The following CPAMD8 variants were observed in gnomAD, a reference collection of about 807,000 sequenced individuals.
CPAMD8 encodes the protein C3 and PZP like alpha-2-macroglobulin domain containing 8.
In CPAMD8, 146 loss-of-function variants were observed where a neutral mutation model predicts 224.7. The ratio of observed to expected loss-of-function variants is 0.65; its 90% CI spans 0.57 to 0.75. CPAMD8 has a LOEUF of 0.75. CPAMD8 is among the 30% of genes least tolerant of loss of function. CPAMD8 has a pLI of 0.00. For synonymous variants in CPAMD8, 966 were observed against 1,044.6 expected (o/e 0.92, Z 1.45); for missense variants, 2,301 against 2,537.5 (o/e 0.91, Z 2.00).
At chr19:16,912,904 T>C (rs2052783305) in intron 29 of CPAMD8, among the ~76,000 whole-genome samples, 1 of 152,186 alleles carries the variant, frequency 6.6e-6, no homozygotes, top group Non-Finnish European at 1.5e-5. Flanking sequence ...ATCCGACTTC[T>C]CAGTGGAACA....
At chr19:16,904,421 G>C (rs748514624) in intron 31 of CPAMD8, 45 bp downstream of exon 31, 2 of 1,613,970 alleles carry the variant, frequency 1.2e-6, no homozygotes, top group Admixed American at 3.3e-5. Flanking sequence ...CCAGTGCATG[G>C]AGGTATGGCC....
intron 19 of CPAMD8, among the ~76,000 whole-genome samples, chr19:16,955,738 G>A (rs1192063939): frequency 1.3e-5 from 2 of 152,160 alleles, no homozygotes; most frequent in South Asian, 2.1e-4. Flanking sequence ...GTGCAGTGGT[G>A]TAATTTCGTG....
chr19:16,906,931 G>T, intron 30 of CPAMD8, 21 bp downstream of exon 30: 1 of 1,568,476 alleles, frequency 6.4e-7, no homozygotes, highest in South Asian at 1.2e-5. Context: ...GTGGCCTCTG[G>T]GGAGGGCCAG....
chr19:17,011,346 A>G, intron 5 of CPAMD8, 118 bp downstream of exon 5: 1 of 1,183,156 alleles, frequency 8.5e-7, no homozygotes. Flanking sequence ...TGAAACAACC[A>G]TGAAAGAAAA....
rs2052380207 is a variant in CPAMD8 at position 16,904,247 on chromosome 19, A to G, written c.4230T>C (p.Leu1410=). ...VKWLSQQRNA[L]GGFSSTQDTC... is the part of the protein sequence containing the mutation. ...TCGCCTGAGTGGAGGAGAAGCCCCCAAGTGCATTTCGCTGCTGGGACAGCC... is the reference window on the plus strand; with the variant it reads ...TCGCCTGAGTGGAGGAGAAGCCCCCGAGTGCATTTCGCTGCTGGGACAGCC... Residue 1410 remains leucine (L), a synonymous_variant, in exon 32 of 42, where the codon CTT becomes CTC. Transcript: ENST00000443236. The G allele has an allele frequency of 7.5e-7, 1 of 1,331,494 alleles. No individual in the cohort carries two copies. Among genetic ancestry groups the G allele is most frequent in the Non-Finnish European group, 9.9e-7 (1 of 1,013,706 alleles). 82.5% of individuals were successfully genotyped at this position (1,331,494 alleles called of 1,614,324 possible). A position where few individuals can be genotyped will look rare whatever the true frequency, so the allele number is the denominator to read the frequency against.
intron 19 of CPAMD8, among the ~76,000 whole-genome samples, chr19:16,955,961 G>A (rs1160392317): frequency 2.0e-5 from 3 of 152,154 alleles, no homozygotes; most frequent in Non-Finnish European, 2.9e-5. Context: ...ACAGGCATAA[G>A]CCACCACACC....
intron 20 of CPAMD8, among the ~76,000 whole-genome samples, chr19:16,951,463 AT>A (rs2054293900): frequency 6.6e-6 from 1 of 152,196 alleles, no homozygotes; most frequent in African/African-American, 2.4e-5. Flanking sequence ...GAACACAGCC[AT>A]ATCTATTCAG....
Position 16,903,792 on chromosome 19 carries a change from G to T in CPAMD8, c.4317C>A (p.Asn1439Lys). The stretch of plus-strand genomic sequence containing the variant: ...TGGTGGAGGCCAGGGAGACAGTGAG[G>T]TTGATGCCTCCAGCATAGGACAAGA... ...YAILSYAGGINLTVSLASTNL... is the reference protein window; with the variant it reads ...YAILSYAGGIKLTVSLASTNL... The change falls in exon 33 of 42, where the codon AAC becomes AAA. Residue 1439 changes from asparagine (N) to lysine (K), a missense_variant. Asn to Lys is a moderately conservative substitution (Grantham distance 94). Coordinates refer to ENST00000443236, the MANE Select transcript of CPAMD8 (RefSeq NM_015692.5). 2 of 1,614,148 alleles carry T rather than the reference G, an allele frequency of 1.2e-6. No homozygotes were observed. The highest frequency in any genetic ancestry group is 1.7e-6 in the Non-Finnish European group (2 of 1,179,952).
At chr19:16,948,883 G>GAGGGA (rs1568515607) in intron 20 of CPAMD8, among the ~76,000 whole-genome samples, 2 of 46,322 alleles carry the variant, frequency 4.3e-5, no homozygotes, top group Non-Finnish European at 7.4e-5. Flanking sequence ...GAAGGGAAGG[G>GAGGGA]AAGGGAAGGG....
rs1447579545 is a variant in CPAMD8 at position 16,929,127 on chromosome 19, A to G, written c.2959T>C (p.Leu987=). 2 of 1,614,078 alleles carry G rather than the reference A, an allele frequency of 1.2e-6. No homozygotes were observed. The highest frequency in any genetic ancestry group is 3.3e-5 in the Admixed American group (2 of 60,020). The change falls in exon 24 of 42, where the codon TTG becomes CTG. Residue 987 remains leucine (L), a synonymous_variant. Transcript: ENST00000443236. ...VRAHNDARVA[L]SSGPQDTAGM... ...GCTGTGTCCTGGGGCCCAGAAGACA[A>G]GGCCACACGGGCATCATTGTGAGCT...
chr19:16,975,055 A>T (rs62125980), intron 17 of CPAMD8, 42 bp downstream of exon 17: 2 of 1,585,004 alleles, frequency 1.3e-6, no homozygotes, highest in South Asian at 1.1e-5. Context: ...GGCAAGAGGA[A>T]CTTAGAAGGG....
intron 22 of CPAMD8, among the ~76,000 whole-genome samples, chr19:16,942,898 C>G (rs1214609610): frequency 6.6e-6 from 1 of 152,180 alleles, no homozygotes; most frequent in Non-Finnish European, 1.5e-5. Context: ...TAGTACAGAT[C>G]TGTGCTTCAC....
intron 1 of CPAMD8, among the ~76,000 whole-genome samples, chr19:17,023,340 CT>C (rs926044869): frequency 6.6e-6 from 1 of 152,072 alleles, no homozygotes; most frequent in African/African-American, 2.4e-5. Flanking sequence ...TCCTCCCCAC[CT>C]GAGCTCCTGT....
At chr19:16,977,682 G>T in intron 14 of CPAMD8, 142 bp from the exon 15 acceptor site, 1 of 605,278 alleles carries the variant, frequency 1.7e-6, no homozygotes, top group Non-Finnish European at 2.8e-6. Flanking sequence ...GTTTTGAGAT[G>T]CCCTTCCCAG....
intron 13 of CPAMD8, among the ~76,000 whole-genome samples, chr19:16,988,772 T>C (rs985422104): frequency 2.6e-5 from 4 of 152,160 alleles, no homozygotes; most frequent in African/African-American, 9.7e-5. Flanking sequence ...CATGGACCAG[T>C]ACTGATTCAT....
intron 23 of CPAMD8, 126 bp from the exon 24 acceptor site, chr19:16,929,366 G>A: frequency 1.4e-6 from 1 of 712,292 alleles, no homozygotes; most frequent in East Asian, 2.6e-5. Flanking sequence ...GGCACACATG[G>A]TGGAATGGTG....
chr19:16,977,413 G>A lies in CPAMD8; in HGVS notation c.1713C>T (p.Val571=), dbSNP rs143737998. The change falls in exon 15 of 42, where the codon GTC becomes GTT. Residue 571 remains valine (V), a synonymous_variant. Coordinates refer to ENST00000443236, the MANE Select transcript of CPAMD8 (RefSeq NM_015692.5). The part of the protein sequence containing the change: ...VFYVRENGEG[V]ADSLQFAVET... ...CGACTGCAAACTGAAGGCTGTCGGC[G>A]ACCCCTTCTCCATTCTCCCTGACGT... 3,350 of 1,612,504 alleles carry A rather than the reference G, an allele frequency of 2.1e-3. 56 individuals carry two copies. In the African/African-American group the frequency reaches 0.04, roughly 19 times the overall value.
chr19:17,026,539 G>T lies in CPAMD8; in HGVS notation c.92+12C>A, dbSNP rs1356168362. ...AGGCGACCGACCTCCTCTGTCGCCG[G>T]AGGATACTCACGGGGCCTGAGGCTG... On this transcript the variant is annotated intron_variant, in intron 1 of 41. Transcript: ENST00000443236. The T allele has an allele frequency of 1.3e-6, 2 of 1,497,620 alleles. No homozygotes were observed. Among genetic ancestry groups the T allele is most frequent in the Admixed American group, 4.6e-5 (2 of 43,810 alleles). The allele number at this position is 1,497,620 out of a possible 1,614,324, so 92.8% of individuals were successfully genotyped here.
intron 39 of CPAMD8, 72 bp downstream of exon 39, chr19:16,897,619 C>T (rs1262929554): frequency 1.2e-6 from 1 of 862,152 alleles, no homozygotes; most frequent in Non-Finnish European, 1.8e-6. Context: ...GGGAGCCCTC[C>T]CTGGCGTCCG....
Sources: gnomAD v4.1 joint callset for allele counts (sites outside exome capture counted in the v4.1 genomes callset) on GRCh38, gnomAD v4.1.1 for gene constraint, MANE v1.5 for transcripts, NCBI Gene and HGNC (gene_info 2026-07-23, HGNC 2026-07-21) for gene names.